FBN1: variants seen among roughly 807,000 people sequenced by gnomAD.
FBN1 encodes fibrillin 1.
A neutral mutation model predicts 365.1 loss-of-function variants in FBN1; 29 were observed. That is an observed-to-expected ratio of 0.08 (90% CI 0.06 to 0.11). The LOEUF (loss-of-function observed/expected upper bound fraction) is 0.11, where lower values mean the gene tolerates loss of function less well. Among genes scored for constraint, FBN1 ranks in the 10% least tolerant of loss-of-function variants. The probability of loss-of-function intolerance (pLI) is 1.00; values close to 1 mark genes in which losing one functional copy is unlikely to be tolerated. For synonymous variants in FBN1, 1,210 were observed against 1,270.5 expected (o/e 0.95, Z 1.01); for missense variants, 2,476 against 3,703.2 (o/e 0.67, Z 8.60).
intron 4 of FBN1, among the ~76,000 whole-genome samples, chr15:48,604,039 T>C (rs770234202): frequency 3.3e-5 from 5 of 152,204 alleles, no homozygotes; most frequent in Non-Finnish European, 7.3e-5. Context: ...TTTGGCAGCA[T>C]TGGCCAGAAA....
intron 4 of FBN1, among the ~76,000 whole-genome samples, chr15:48,603,994 C>T (rs901220159): frequency 3.3e-5 from 5 of 152,202 alleles, no homozygotes; most frequent in African/African-American, 1.2e-4. Context: ...TCAGTCATTT[C>T]AGTCATTCAA....
chr15:48,430,923 G>A, intron 55 of FBN1, 121 bp from the exon 56 acceptor site: 1 of 897,676 alleles, frequency 1.1e-6, no homozygotes. Flanking sequence ...TTCACTACTG[G>A]CTGTATTTCC....
At chr15:48,455,180 G>A (rs187673406) in intron 44 of FBN1, among the ~76,000 whole-genome samples, 2 of 152,280 alleles carry the variant, frequency 1.3e-5, no homozygotes, top group South Asian at 2.1e-4. Context: ...CCCTGAAGAC[G>A]GATATTCTGT....
At chr15:48,495,775 A>G (rs779790317) in intron 20 of FBN1, among the ~76,000 whole-genome samples, 187 bp from the exon 21 acceptor site, 8 of 152,246 alleles carry the variant, frequency 5.3e-5, no homozygotes, top group African/African-American at 9.6e-5. Flanking sequence ...GTACATCTCT[A>G]TAGTATAGAA....
chr15:48,532,506 A>ATGTATGTGTATGTGTGTGTGTG (rs2043982276), intron 8 of FBN1, among the ~76,000 whole-genome samples: 2 of 149,618 alleles, frequency 1.3e-5, no homozygotes, highest in African/African-American at 4.9e-5. Flanking sequence ...ATATATGTGT[A>ATGTATGTGTATGTGTGTGTGTG]TGTGTGTGTG....
At chr15:48,481,190 T>G (rs977330047) in intron 32 of FBN1, among the ~76,000 whole-genome samples, 1 of 152,198 alleles carries the variant, frequency 6.6e-6, no homozygotes, top group African/African-American at 2.4e-5. Context: ...AGTACTCCTA[T>G]TTAAGGCACT....
chr15:48,486,574 A>C (rs2043508911), intron 29 of FBN1, among the ~76,000 whole-genome samples: 1 of 152,184 alleles, frequency 6.6e-6, no homozygotes, highest in Non-Finnish European at 1.5e-5. Flanking sequence ...GTAAGATATG[A>C]ACATTCCATG....
At chr15:48,454,309 A>G (rs112904499) in intron 44 of FBN1, among the ~76,000 whole-genome samples, 53 of 152,348 alleles carry the variant, frequency 3.5e-4, no homozygotes, top group African/African-American at 1.3e-3. Flanking sequence ...AATCAAATCA[A>G]GAAAACCTAA....
chr15:48,587,243 T>C (rs549907201), intron 6 of FBN1, among the ~76,000 whole-genome samples: 1 of 152,060 alleles, frequency 6.6e-6, no homozygotes, highest in South Asian at 2.1e-4. Context: ...ACATTAAGTG[T>C]TCTGAAGTAC....
intron 4 of FBN1, among the ~76,000 whole-genome samples, chr15:48,601,843 C>G (rs928979427): frequency 1.3e-5 from 2 of 152,246 alleles, no homozygotes; most frequent in African/African-American, 4.8e-5. Flanking sequence ...ATGCCACACA[C>G]TGAAACACCA....
At chr15:48,432,330 T>C (rs1156417359) in intron 55 of FBN1, among the ~76,000 whole-genome samples, 1 of 151,930 alleles carries the variant, frequency 6.6e-6, no homozygotes, top group Non-Finnish European at 1.5e-5. Flanking sequence ...AACTCTATGA[T>C]TACTGCAGTT....
At chr15:48,583,276 T>C (rs546352031) in intron 6 of FBN1, among the ~76,000 whole-genome samples, 87 of 152,360 alleles carry the variant, frequency 5.7e-4, no homozygotes, top group African/African-American at 2.0e-3. Flanking sequence ...TTTTTATGGA[T>C]AGACTTAACA....
chr15:48,423,832 A>G (rs1268708668), intron 60 of FBN1, among the ~76,000 whole-genome samples: 3 of 152,240 alleles, frequency 2.0e-5, no homozygotes, highest in Non-Finnish European at 4.4e-5. Context: ...CTTATGGGAA[A>G]AAACAGGAAA....
Position 48,538,792 on chromosome 15 carries a change from C to T in FBN1, c.539-984G>A, listed in dbSNP as rs957429863. Among the ~76,000 whole-genome samples, 5 of 152,166 alleles carry T rather than the reference C, an allele frequency of 3.3e-5. No individual in the cohort carries two copies. In the South Asian group the frequency reaches 6.2e-4, roughly 19 times the overall value. The stretch of plus-strand genomic sequence containing the variant: ...GCTTCTATCCACAAACCAACATTTG[C>T]ATGCTTCCAGGTCATTTTCAGAAGT... On this transcript the variant is annotated intron_variant, in intron 6 of 65. Coordinates refer to ENST00000316623, the MANE Select transcript of FBN1 (RefSeq NM_000138.5).
intron 42 of FBN1, among the ~76,000 whole-genome samples, chr15:48,461,211 C>T (rs542928331): frequency 6.6e-6 from 1 of 152,294 alleles, no homozygotes; most frequent in African/African-American, 2.4e-5. Context: ...TACAGGGACT[C>T]TTAAAATATG....
intron 6 of FBN1, among the ~76,000 whole-genome samples, chr15:48,552,305 T>C (rs2044148639): frequency 6.6e-6 from 1 of 150,578 alleles, no homozygotes; most frequent in Non-Finnish European, 1.5e-5. Flanking sequence ...CAGAATCTCA[T>C]TGTGTCGCCC....
rs768744583 is a variant in FBN1 at position 48,537,628 on chromosome 15, C to T, written c.719G>A (p.Arg240His). 13 of 1,614,030 alleles carry T rather than the reference C, an allele frequency of 8.1e-6. No individual in the cohort carries two copies. Among genetic ancestry groups the T allele is most frequent in the Middle Eastern group, 3.3e-4 (2 of 6,080 alleles). ...GGGTTTACCTTGACAAGCTCCCGTG[C>T]GGATATTTGGAATGAAGCCACGGCG... Reference protein sequence around the residue: ...PCRRGFIPNIRTGACQDVDEC... With the variant: ...PCRRGFIPNIHTGACQDVDEC... Residue 240 changes from arginine to histidine, a missense_variant, in exon 7 of 66, where the codon CGC becomes CAC. Around this residue, in one of 5 missense-constraint regions of FBN1, gnomAD observed 421 missense variants for 520.1 expected, o/e 0.81. Transcript: ENST00000316623.
At chr15:48,517,934 G>A (rs1413557827) in intron 10 of FBN1, among the ~76,000 whole-genome samples, 2 of 152,060 alleles carry the variant, frequency 1.3e-5, no homozygotes, top group East Asian at 1.9e-4. Context: ...TCAACCTCAC[G>A]GGACATTCTG....
chr15:48,464,454 T>G (rs1315444860), intron 40 of FBN1, among the ~76,000 whole-genome samples: 1 of 152,118 alleles, frequency 6.6e-6, no homozygotes, highest in Non-Finnish European at 1.5e-5. Context: ...ATGCAGAGGT[T>G]GCAGTGAGCC....
Sources: allele counts gnomAD v4.1 joint callset (sites outside exome capture counted in the v4.1 genomes callset), GRCh38; gene constraint gnomAD v4.1.1; regional missense constraint gnomAD v4.1.1; transcripts MANE v1.5; gene names NCBI Gene and HGNC (gene_info 2026-07-23, HGNC 2026-07-21).